The following PTPRM variants were observed in gnomAD, a reference collection of about 807,000 sequenced individuals.
The protein encoded by PTPRM is receptor-type tyrosine-protein phosphatase mu.
PTPRM carries 47 observed loss-of-function variants against 186.7 expected under a neutral mutation model. That is an observed-to-expected ratio of 0.25 (90% CI 0.20 to 0.32). PTPRM has a LOEUF of 0.32. Ranked by LOEUF, PTPRM falls within the 10% of genes least tolerant of loss-of-function variation. The pLI, the probability that PTPRM is intolerant of heterozygous loss-of-function variation, is 1.00. For missense variants in PTPRM, 1,494 were observed against 1,865.0 expected (o/e 0.80, Z 3.66); for synonymous variants, 668 against 674.9 (o/e 0.99, Z 0.16).
intron 14 of PTPRM, among the ~76,000 whole-genome samples, chr18:8,191,791 A>C (rs998815819): frequency 2.0e-5 from 3 of 152,322 alleles, no homozygotes; most frequent in African/African-American, 7.2e-5. Context: ...CTTTAGAACC[A>C]AATGTTTTTC....
intron 24 of PTPRM, among the ~76,000 whole-genome samples, chr18:8,374,496 A>C (rs569496451): frequency 6.2e-4 from 94 of 152,170 alleles, no homozygotes; most frequent in Non-Finnish European, 1.2e-3. Context: ...GGAGCTTTCT[A>C]GGGGTTTTGA....
At chr18:8,042,964 G>A (rs543187014) in intron 7 of PTPRM, among the ~76,000 whole-genome samples, 55 of 152,052 alleles carry the variant, frequency 3.6e-4, no homozygotes, top group East Asian at 1.2e-3. Flanking sequence ...TCTTCACTCC[G>A]TCTCAACCGC....
chr18:7,570,424 T>G (rs1490354802), intron 1 of PTPRM, among the ~76,000 whole-genome samples: 3 of 152,210 alleles, frequency 2.0e-5, no homozygotes, highest in Non-Finnish European at 4.4e-5. Context: ...GCAAAGCCAA[T>G]TTTCGTTTTC....
At chr18:7,752,587 C>T (rs1355841953) in intron 1 of PTPRM, among the ~76,000 whole-genome samples, 3 of 151,840 alleles carry the variant, frequency 2.0e-5, no homozygotes, top group African/African-American at 7.3e-5. Flanking sequence ...CCATGCCTGG[C>T]TAATTTTTTT....
At chr18:8,227,858 A>G (rs8095318) in intron 14 of PTPRM, among the ~76,000 whole-genome samples, 30,176 of 152,140 alleles carry the variant, frequency 0.2, 3,359 homozygotes, top group African/African-American at 0.3. Flanking sequence ...GGGACCCACT[A>G]TCACTAATGT....
Position 8,119,040 on chromosome 18 carries a change from A to T in PTPRM, c.2167+4213A>T, listed in dbSNP as rs374351248. On this transcript the variant is annotated intron_variant, in intron 13 of 32. Transcript: ENST00000580170. ...AAAACTATTAGAAAAATCAGACTGT[A>T]AGCCTTAAACAAAAAGAAAACAAAG... Among the ~76,000 whole-genome samples, 269 of 152,118 alleles carry T rather than the reference A, an allele frequency of 1.8e-3. 8 individuals are homozygous for T. In the South Asian group the frequency reaches 0.049, roughly 27 times the overall value.
intron 1 of PTPRM, among the ~76,000 whole-genome samples, chr18:7,607,101 A>G (rs535362669): frequency 2.2e-4 from 34 of 151,962 alleles, no homozygotes; most frequent in Non-Finnish European, 4.9e-4. Context: ...GTGGAGAAGG[A>G]ATTGCCGTTT....
At chr18:8,364,850 C>T (rs2095618532) in intron 23 of PTPRM, 1 of 152,084 alleles carries the variant, frequency 6.6e-6, no homozygotes, top group Non-Finnish European at 1.5e-5. Flanking sequence ...TTTCTTAGTC[C>T]TTCTTCATCA....
At chr18:7,604,693 C>T (rs1180282108) in intron 1 of PTPRM, among the ~76,000 whole-genome samples, 1 of 152,140 alleles carries the variant, frequency 6.6e-6, no homozygotes, top group Non-Finnish European at 1.5e-5. Flanking sequence ...GCATGGTTAG[C>T]AGTAACTGTA....
chr18:7,933,181 C>T (rs1160016568), intron 5 of PTPRM, among the ~76,000 whole-genome samples: 1 of 152,010 alleles, frequency 6.6e-6, no homozygotes, highest in East Asian at 1.9e-4. Flanking sequence ...AACCATTGCC[C>T]CAAAGCACAG....
chr18:8,035,851 A>T (rs565203834), intron 7 of PTPRM, among the ~76,000 whole-genome samples: 29 of 152,172 alleles, frequency 1.9e-4, no homozygotes, highest in Non-Finnish European at 4.1e-4. Context: ...TATCTCGATT[A>T]TTTTTTAACA....
chr18:7,966,934 C>A lies in PTPRM; in HGVS notation c.1132+11520C>A, dbSNP rs199805695. ...AGGTAAACAAAGCAGCCTGGAAGCT[C>A]GAACTGGGTGGAGCCCACCACAGCT... On this transcript the variant is annotated intron_variant, in intron 7 of 32. Transcript: ENST00000580170. Among the ~76,000 whole-genome samples, 2 of 124,758 alleles carry A rather than the reference C, an allele frequency of 1.6e-5. 1 individual carries two copies. Among genetic ancestry groups the A allele is most frequent in the Non-Finnish European group, 3.8e-5 (2 of 52,184 alleles). The allele number at this position is 124,758 out of a possible 152,430, so 81.8% of individuals were successfully genotyped here.
At position 7,827,184 on chromosome 18, in the gene PTPRM, CAT is replaced by C. The variant is rs1280078336; in HGVS notation, c.196+52916_196+52917del. ...TTGCTTTGGAGCAAAGTAAAATAAA[CAT>C]ATGTTCCCTGTTAATACAGGTATAA... On this transcript the variant is annotated intron_variant, in intron 2 of 32. Transcript: ENST00000580170. Among the ~76,000 whole-genome samples, 10 of 152,306 alleles carry C rather than the reference CAT, an allele frequency of 6.6e-5. No homozygotes were observed. In the East Asian group the frequency reaches 1.7e-3, roughly 26 times the overall value.
chr18:7,862,282 T>TTAA (rs1488322525), intron 2 of PTPRM, among the ~76,000 whole-genome samples: 1 of 152,178 alleles, frequency 6.6e-6, no homozygotes, highest in Non-Finnish European at 1.5e-5. Flanking sequence ...ACTCAGGTAA[T>TTAA]TTTAAAGTAG....
At chr18:7,897,074 C>G (rs947551326) in intron 3 of PTPRM, among the ~76,000 whole-genome samples, 1 of 152,166 alleles carries the variant, frequency 6.6e-6, no homozygotes, top group South Asian at 2.1e-4. Flanking sequence ...TTGTGTTCCA[C>G]AAATCCAGGG....
intron 1 of PTPRM, among the ~76,000 whole-genome samples, chr18:7,662,839 C>T (rs2039010036): frequency 1.3e-5 from 2 of 152,002 alleles, no homozygotes. Context: ...ATACACCTAT[C>T]AGTATGGATA....
intron 14 of PTPRM, among the ~76,000 whole-genome samples, chr18:8,208,909 A>G (rs927098293): frequency 1.3e-5 from 2 of 152,214 alleles, no homozygotes; most frequent in African/African-American, 2.4e-5. Flanking sequence ...ACAGCAGTGC[A>G]TGCAGGAGAG....
chr18:8,152,163 T>C (rs2093024155), intron 14 of PTPRM, among the ~76,000 whole-genome samples: 1 of 152,118 alleles, frequency 6.6e-6, no homozygotes, highest in South Asian at 2.1e-4. Flanking sequence ...TAAAATTAAG[T>C]GGAGATGTTC....
intron 22 of PTPRM, among the ~76,000 whole-genome samples, chr18:8,334,943 C>T (rs1051540097): frequency 6.6e-6 from 1 of 152,158 alleles, no homozygotes; most frequent in Admixed American, 6.5e-5. Context: ...AAGGCTGAGC[C>T]CACACCTGAT....
Sources: gnomAD v4.1 joint callset for allele counts (sites outside exome capture counted in the v4.1 genomes callset) on GRCh38, gnomAD v4.1.1 for gene constraint, MANE v1.5 for transcripts, NCBI Gene and HGNC (gene_info 2026-07-23, HGNC 2026-07-21) for gene names.